The following STK38L variants were observed in gnomAD, a reference collection of about 807,000 sequenced individuals.
STK38L encodes the protein serine/threonine kinase 38 like.
In STK38L, 28 loss-of-function variants were observed where a neutral mutation model predicts 59.7. That is an observed-to-expected ratio of 0.47 (90% CI 0.35 to 0.64). STK38L has a LOEUF of 0.64. Among genes scored for constraint, STK38L ranks in the 30% least tolerant of loss-of-function variants. The pLI is 0.01. For missense variants in STK38L, 314 were observed against 555.8 expected (o/e 0.56, Z 4.37); for synonymous variants, 162 against 176.8 (o/e 0.92, Z 0.66).
chr12:27,310,509 G>A (rs2136646500), intron 5 of STK38L, among the ~76,000 whole-genome samples: 1 of 151,870 alleles, frequency 6.6e-6, no homozygotes, highest in Non-Finnish European at 1.5e-5. Context: ...AGCCACATGT[G>A]GCTACTGGGC....
chr12:27,322,196 A>G lies in STK38L; in HGVS notation c.1229A>G (p.Asn410Ser). The G allele has an allele frequency of 6.2e-7, 1 of 1,613,970 alleles. No individual in the cohort carries two copies. The highest frequency in any genetic ancestry group is 8.5e-7 in the Non-Finnish European group (1 of 1,179,950). ...ATCAAAAGCATTGATGATACTTCAA[A>G]TTTTGATGACTTCCCTGAATCTGAT... ...IEIKSIDDTS[N>S]FDDFPESDIL... The change falls in exon 13 of 14, where the codon AAT becomes AGT. Residue 410 changes from asparagine (N) to serine (S), a missense_variant. Asn to Ser is a conservative substitution (Grantham distance 46). Around this residue, in one of 3 missense-constraint regions of STK38L, gnomAD observed 94 missense variants for 142.2 expected, o/e 0.66. Coordinates refer to ENST00000389032, the MANE Select transcript of STK38L (RefSeq NM_015000.4).
At chr12:27,281,385 C>CATTTATTTTT (rs1943654571) in intron 1 of STK38L, among the ~76,000 whole-genome samples, 1 of 3,634 alleles carries the variant, frequency 2.8e-4, no homozygotes, top group Non-Finnish European at 1.2e-3. Context: ...GCGCCCGGCC[C>CATTTATTTTT]GGCTTTAGCT....
At chr12:27,272,103 G>A (rs1408025104) in intron 1 of STK38L, among the ~76,000 whole-genome samples, 1 of 152,082 alleles carries the variant, frequency 6.6e-6, no homozygotes, top group Non-Finnish European at 1.5e-5. Flanking sequence ...TTACTGCTTC[G>A]GCTCTTGGCT....
At chr12:27,293,945 C>T (rs1943952524) in intron 1 of STK38L, among the ~76,000 whole-genome samples, 1 of 152,158 alleles carries the variant, frequency 6.6e-6, no homozygotes, top group Non-Finnish European at 1.5e-5. Context: ...ATCTTCTGGA[C>T]ATTTTCTCTG....
intron 1 of STK38L, among the ~76,000 whole-genome samples, chr12:27,247,046 G>A (rs533217009): frequency 6.6e-6 from 1 of 152,258 alleles, no homozygotes; most frequent in South Asian, 2.1e-4. Context: ...GACCAATTAA[G>A]GAAGACTGAA....
intron 10 of STK38L, 30 bp downstream of exon 10, chr12:27,317,483 A>T (rs745634052): frequency 6.7e-7 from 1 of 1,492,976 alleles, no homozygotes; most frequent in South Asian, 1.2e-5. Flanking sequence ...TATGTACAAA[A>T]TATATACATT....
chr12:27,290,841 A>G (rs1416907576), intron 1 of STK38L, among the ~76,000 whole-genome samples: 1 of 152,236 alleles, frequency 6.6e-6, no homozygotes, highest in Non-Finnish European at 1.5e-5. Context: ...AGGAGAAACC[A>G]GAAACCTGGA....
intron 1 of STK38L, among the ~76,000 whole-genome samples, chr12:27,278,179 C>A (rs1164752401): frequency 6.6e-6 from 1 of 152,180 alleles, no homozygotes; most frequent in African/African-American, 2.4e-5. Flanking sequence ...TATTGGAAGG[C>A]TGTAAGTGTA....
At chr12:27,302,286 A>G in intron 3 of STK38L, 98 bp downstream of exon 3, 1 of 885,186 alleles carries the variant, frequency 1.1e-6, no homozygotes, top group Non-Finnish European at 1.7e-6. Flanking sequence ...TGTGGATTTT[A>G]TCATTTGAAT....
chr12:27,302,116 A>T (rs1198809657), intron 2 of STK38L, 21 bp from the exon 3 acceptor site: 8 of 1,575,762 alleles, frequency 5.1e-6, no homozygotes, highest in Non-Finnish European at 6.1e-6. Flanking sequence ...TTAAAATTTA[A>T]TTTTTTTTTC....
At chr12:27,255,688 G>A (rs901659624) in intron 1 of STK38L, among the ~76,000 whole-genome samples, 1 of 152,114 alleles carries the variant, frequency 6.6e-6, no homozygotes, top group Non-Finnish European at 1.5e-5. Flanking sequence ...CCCTTAAATG[G>A]TTAATGTGCT....
At chr12:27,278,291 G>A (rs1284870436) in intron 1 of STK38L, among the ~76,000 whole-genome samples, 1 of 152,186 alleles carries the variant, frequency 6.6e-6, no homozygotes, top group Non-Finnish European at 1.5e-5. Flanking sequence ...CAGGCATTTA[G>A]TTAAGCTAGA....
chr12:27,305,538 C>T (rs1944289914), intron 3 of STK38L, among the ~76,000 whole-genome samples: 2 of 152,272 alleles, frequency 1.3e-5, no homozygotes, highest in East Asian at 1.9e-4. Flanking sequence ...AAGTATGTTA[C>T]AGCATCTTTA....
chr12:27,308,608 T>G lies in STK38L; in HGVS notation c.309+147T>G, dbSNP rs1591928789. 3 of 835,290 alleles carry G rather than the reference T, an allele frequency of 3.6e-6. No individual in the cohort carries two copies. The highest frequency in any genetic ancestry group is 4.7e-6 in the Non-Finnish European group (3 of 643,990). 51.7% of individuals were successfully genotyped at this position (835,290 alleles called of 1,614,324 possible). A position where few individuals can be genotyped will look rare whatever the true frequency, so the allele number is the denominator to read the frequency against. On this transcript the variant is annotated intron_variant, in intron 4 of 13. Coordinates refer to ENST00000389032, the MANE Select transcript of STK38L (RefSeq NM_015000.4). The surrounding 1 kb of genome is among the most constrained non-coding windows in gnomAD (Gnocchi z 4.5). Reference sequence around the variant, plus strand: ...GGGAGGCCGAGGCGGGTGGATCGCCTGAGGTCAGGAGTTCGAGACCAGCCT... The same window carrying G: ...GGGAGGCCGAGGCGGGTGGATCGCCGGAGGTCAGGAGTTCGAGACCAGCCT...
intron 1 of STK38L, among the ~76,000 whole-genome samples, chr12:27,262,280 C>T (rs151028379): frequency 6.6e-6 from 1 of 152,006 alleles, no homozygotes; most frequent in African/African-American, 2.4e-5. Context: ...AAACTAAATA[C>T]AAATTATGTC....
intron 1 of STK38L, among the ~76,000 whole-genome samples, chr12:27,294,763 A>T (rs1943975046): frequency 6.7e-6 from 1 of 149,634 alleles, no homozygotes; most frequent in East Asian, 2.0e-4. Context: ...CCCAGGCTGC[A>T]GTGCAGTGGT....
chr12:27,262,275 A>G (rs1307482276), intron 1 of STK38L, among the ~76,000 whole-genome samples: 3 of 152,222 alleles, frequency 2.0e-5, no homozygotes, highest in African/African-American at 4.8e-5. Flanking sequence ...CACTGAAACT[A>G]AATACAAATT....
At chr12:27,284,511 TTGA>T (rs1943728066) in intron 1 of STK38L, among the ~76,000 whole-genome samples, 1 of 152,222 alleles carries the variant, frequency 6.6e-6, no homozygotes, top group Admixed American at 6.5e-5. Flanking sequence ...GCCTTGCCTC[TTGA>T]TGAACTAAAT....
chr12:27,249,407 G>C (rs1370329752), intron 1 of STK38L, among the ~76,000 whole-genome samples: 1 of 152,108 alleles, frequency 6.6e-6, no homozygotes, highest in African/African-American at 2.4e-5. Context: ...GCATGATTTT[G>C]GTTCACTGCA....
Sources: gnomAD v4.1 joint callset for allele counts (sites outside exome capture counted in the v4.1 genomes callset) on GRCh38, gnomAD v4.1.1 for gene constraint, gnomAD v4.1.1 regional missense constraint, Gnocchi (gnomAD v3.1) non-coding constraint, MANE v1.5 for transcripts, NCBI Gene and HGNC (gene_info 2026-07-23, HGNC 2026-07-21) for gene names.